DNAH1: variants seen among roughly 807,000 people sequenced by gnomAD.
DNAH1 encodes the protein axonemal beta dynein heavy chain 1.
A neutral mutation model predicts 484.3 loss-of-function variants in DNAH1; 327 were observed. The ratio of observed to expected loss-of-function variants is 0.68; its 90% CI spans 0.62 to 0.74. The LOEUF is 0.74. DNAH1 is among the 30% of genes least tolerant of loss of function. The pLI is 0.00. For missense variants in DNAH1, 5,052 were observed against 5,546.8 expected, an observed-to-expected ratio of 0.91 and a Z score of 2.83; for synonymous variants, 2,192 against 2,191.9, an observed-to-expected ratio of 1.00 and a Z score of 0.00.
Position 52,366,446 on chromosome 3 carries a change from A to G in DNAH1, c.5519-11A>G, listed in dbSNP as rs1044574378. The G allele has an allele frequency of 6.3e-6, 10 of 1,582,898 alleles. No homozygotes were observed. The highest frequency in any genetic ancestry group is 8.6e-6 in the Non-Finnish European group (10 of 1,165,148). On this transcript the variant is annotated splice_polypyrimidine_tract_variant and intron_variant, in intron 34 of 77. Transcript: ENST00000420323. Reference sequence around the variant, plus strand: ...TGCTCTGACCCTTGGGCCCCATGCCATGTCCCCCAGGCTTCCTGACAAAGT... The same window carrying G: ...TGCTCTGACCCTTGGGCCCCATGCCGTGTCCCCCAGGCTTCCTGACAAAGT...
rs780851318 is a variant in DNAH1, at chr3:52,393,000, G to T, written c.10449G>T (p.Ser3483=). ...AGTGGTTTCTCAACATCTTCCTCTC[G>T]GGCATCGCCAACTCAGAGAGAGCAG... The part of the protein sequence containing the change: ...SLEWFLNIFL[S]GIANSERADN... Residue 3483 remains serine, a synonymous_variant, in exon 65 of 78, where the codon TCG becomes TCT. Transcript: ENST00000420323. 2.3e-5 allele frequency: 37 copies of T among 1,613,318 alleles called. No homozygotes were observed. The highest frequency in any genetic ancestry group is 2.9e-5 in the Non-Finnish European group (34 of 1,179,710).
At chr3:52,314,549 C>A (rs1415950852), upstream of DNAH1, among the ~76,000 whole-genome samples, 1 of 152,220 alleles carries the variant, frequency 6.6e-6, no homozygotes, top group Admixed American at 6.5e-5. Flanking sequence ...TTCTATGGGT[C>A]TTTCCTGGAC....
Position 52,398,853 on chromosome 3 carries a change from C to T in DNAH1, c.12093C>T (p.Tyr4031=), listed in dbSNP as rs776568677. The T allele has an allele frequency of 1.9e-6, 3 of 1,539,100 alleles. No individual in the cohort carries two copies. Among genetic ancestry groups the T allele is most frequent in the East Asian group, 2.3e-5 (1 of 43,838 alleles). ...TCTCTTGCCACTGGCCTCACAGGTA[C>T]AATCGGCTGCTGCAGGTGATCACAC... ...NTVLVQEVIR[Y]NRLLQVITQT... Residue 4031 remains tyrosine (Y), a synonymous_variant, in exon 76 of 78, where the codon TAC becomes TAT. Transcript: ENST00000420323.
In DNAH1 at chr3:52,395,743, G is replaced by C; in HGVS notation, c.11259+65G>C. The C allele has an allele frequency of 6.4e-7, 1 of 1,556,684 alleles. No homozygotes were observed. Among genetic ancestry groups the C allele is most frequent in the South Asian group, 1.2e-5 (1 of 85,844 alleles). ...TCTGCATCCATCAGGGACTAATGAG[G>C]CAGAAATAAGAGAATCATGCCAAGC... On this transcript the variant is annotated intron_variant, in intron 70 of 77. Transcript: ENST00000420323. This position sits in a 1 kb window ranked among gnomAD's most constrained non-coding sequence, Gnocchi z 4.4.
At chr3:52,367,819 C>T (rs373717896) in intron 36 of DNAH1, among the ~76,000 whole-genome samples, 18 of 152,300 alleles carry the variant, frequency 1.2e-4, no homozygotes, top group South Asian at 1.0e-3. Flanking sequence ...GTGATCTGCC[C>T]GCCTTGGCCT....
At chr3:52,371,878 T>C in intron 41 of DNAH1, 68 bp from the exon 42 acceptor site, 1 of 1,580,554 alleles carries the variant, frequency 6.3e-7, no homozygotes, top group Non-Finnish European at 8.6e-7. Context: ...CACTTGGCCA[T>C]GGGGCCGCAG....
chr3:52,326,623 G>T (rs1488045126), intron 4 of DNAH1, 112 bp from the exon 5 acceptor site: 2 of 1,319,738 alleles, frequency 1.5e-6, no homozygotes, highest in East Asian at 2.4e-5. Context: ...GCTCCAGAGG[G>T]GTCTCTCGGC....
Position 52,372,996 on chromosome 3 carries a change from A to G in DNAH1, c.6928A>G (p.Ile2310Val). Reference sequence around the variant, plus strand: ...GGAGACCTACGGTGCACAGCCACCCATCGAGCTGTTGCGCCAGTGGATGGA... The same window carrying G: ...GGAGACCTACGGTGCACAGCCACCCGTCGAGCTGTTGCGCCAGTGGATGGA... ...ALETYGAQPP[I>V]ELLRQWMDHG... The change falls in exon 44 of 78, where the codon ATC (isoleucine) becomes GTC (valine). Residue 2310 changes from isoleucine to valine, a missense_variant. Around this residue, in one of 4 missense-constraint regions of DNAH1, gnomAD observed 2,929 missense variants for 3,409.4 expected, o/e 0.86. Transcript: ENST00000420323. The G allele has an allele frequency of 6.2e-7, 1 of 1,613,654 alleles. No homozygotes were observed. Among genetic ancestry groups the G allele is most frequent in the South Asian group, 1.1e-5 (1 of 91,074 alleles).
intron 56 of DNAH1, among the ~76,000 whole-genome samples, chr3:52,387,547 T>C (rs1704161284): frequency 6.6e-6 from 1 of 152,170 alleles, no homozygotes; most frequent in Non-Finnish European, 1.5e-5. Flanking sequence ...CCTTATGGGC[T>C]ACCCCATTCC....
In DNAH1 at chr3:52,364,850, G is replaced by C. The variant is rs368098175; in HGVS notation, c.5349G>C (p.Arg1783=). 1 of 1,613,792 alleles carries C rather than the reference G, an allele frequency of 6.2e-7. No individual in the cohort carries two copies. Residue 1783 remains arginine (R), a synonymous_variant, in exon 34 of 78, where the codon CGG becomes CGC. Coordinates refer to ENST00000420323, the MANE Select transcript of DNAH1 (RefSeq NM_015512.5). The surrounding 1 kb of genome is among the most constrained non-coding windows in gnomAD (Gnocchi z 4.2). Reference sequence around the variant, plus strand: ...TGCTGCAGGAGCTGATCTGCCTCCGGGCCATCCGTGATGTGAACGTGCCCA... The same window carrying C: ...TGCTGCAGGAGCTGATCTGCCTCCGCGCCATCCGTGATGTGAACGTGCCCA... The part of the protein sequence containing the change: ...PSMNEELICL[R]AIRDVNVPKF...
Position 52,371,939 on chromosome 3 carries a change from A to G in DNAH1, c.6526-7A>G. 3.7e-6 allele frequency: 6 copies of G among 1,613,048 alleles called. No individual in the cohort carries two copies. Among genetic ancestry groups the G allele is most frequent in the Non-Finnish European group, 5.1e-6 (6 of 1,179,550 alleles). On this transcript the variant is annotated splice_polypyrimidine_tract_variant and splice_region_variant and intron_variant, in intron 41 of 77. Transcript: ENST00000420323. ...CAGGCCCACTGCTGAGCCACCTATG[A>G]TTCCAGGTTGCCTGGGTGAAGTGGA...
intron 39 of DNAH1, 34 bp downstream of exon 39, chr3:52,370,263 G>A: frequency 6.2e-7 from 1 of 1,606,606 alleles, no homozygotes; most frequent in African/African-American, 1.3e-5. Context: ...GATGCACCTG[G>A]TCCCTCTCCC....
At position 52,391,622 on chromosome 3, in the gene DNAH1, G is replaced by A. The variant is rs1578199318; in HGVS notation, c.10052+19G>A. On this transcript the variant is annotated intron_variant, in intron 63 of 77. Coordinates refer to ENST00000420323, the MANE Select transcript of DNAH1 (RefSeq NM_015512.5). ...CGCCCAGGTGAGCCCCCACTCTTGG[G>A]GACGCCCAAGCATCAGCTCTGCCTC... 1 of 1,613,126 alleles carries A rather than the reference G, an allele frequency of 6.2e-7. No homozygotes were observed. Among genetic ancestry groups the A allele is most frequent in the South Asian group, 1.1e-5 (1 of 91,050 alleles).
Position 52,385,358 on chromosome 3 carries a change from G to A in DNAH1, c.8536G>A (p.Val2846Ile), listed in dbSNP as rs1704055737. 2 of 1,552,418 alleles carry A rather than the reference G, an allele frequency of 1.3e-6. No homozygotes were observed. Among genetic ancestry groups the A allele is most frequent in the African/African-American group, 1.4e-5 (1 of 73,086 alleles). ...CTAGCTGCTGCGCACTTCTGAGGAT[G>A]TAGCCAAGATGCAGGAGGACCTGGA... is the stretch of plus-strand genomic sequence containing the variant. ...LDKLLRTSED[V>I]AKMQEDLESM... Residue 2846 changes from valine to isoleucine, a missense_variant, in exon 54 of 78, where the codon GTA becomes ATA. Transcript: ENST00000420323.
Position 52,373,069 on chromosome 3 carries a change from C to G in DNAH1, c.6985+16C>G. ...AAGATCATTGGTGAGTGTGGCCGGC[C>G]TGGCTCACAGGGCAAGGGCTACGCG... On this transcript the variant is annotated intron_variant, in intron 44 of 77. Transcript: ENST00000420323. 3 of 1,602,290 alleles carry G rather than the reference C, an allele frequency of 1.9e-6. No individual in the cohort carries two copies. Among genetic ancestry groups the G allele is most frequent in the Non-Finnish European group, 2.6e-6 (3 of 1,174,294 alleles).
intron 43 of DNAH1, 90 bp downstream of exon 43, chr3:52,372,477 C>G: frequency 6.5e-7 from 1 of 1,536,564 alleles, no homozygotes; most frequent in Non-Finnish European, 8.8e-7. Context: ...AATTATGCTC[C>G]TGGGTTTGCC....
At position 52,396,862 on chromosome 3, in the gene DNAH1, C is replaced by A. The variant is rs750583965; in HGVS notation, c.11611-6C>A. On this transcript the variant is annotated splice_region_variant and splice_polypyrimidine_tract_variant and intron_variant, in intron 72 of 77. Transcript: ENST00000420323. ...TTAGGGGAGCCCTCACCCACCCACC[C>A]CATAGGTCCTCAAGTACACGGCAGG... 44 of 1,613,004 alleles carry A rather than the reference C, an allele frequency of 2.7e-5. 1 individual carries two copies. The South Asian group carries it at 4.1e-4, about 15-fold the overall frequency.
rs183262663 is a variant in DNAH1 at position 52,390,973 on chromosome 3, C to T, written c.9660C>T (p.Asn3220=). 52 of 1,552,630 alleles carry T rather than the reference C, an allele frequency of 3.3e-5. No individual in the cohort carries two copies. In the Admixed American group the frequency reaches 6.1e-4, roughly 18 times the overall value. The part of the protein sequence containing the change: ...GLPNDTLSVE[N]GVINQFSQRW... ...CCAACGACACACTGTCAGTGGAGAA[C>T]GGGGTCATCAACCAGTTTTCCCAGC... is the stretch of plus-strand genomic sequence containing the variant. Residue 3220 remains asparagine, a synonymous_variant, in exon 61 of 78, where the codon AAC becomes AAT. Transcript: ENST00000420323.
At chr3:52,349,569 C>G in intron 14 of DNAH1, 149 bp downstream of exon 14, 1 of 784,742 alleles carries the variant, frequency 1.3e-6, no homozygotes, top group Non-Finnish European at 2.1e-6. Context: ...GGAAATCACC[C>G]TGCCCCATCC....
Sources: gnomAD v4.1 joint callset for allele counts (sites outside exome capture counted in the v4.1 genomes callset) on GRCh38, gnomAD v4.1.1 for gene constraint, gnomAD v4.1.1 regional missense constraint, Gnocchi (gnomAD v3.1) non-coding constraint, MANE v1.5 for transcripts, NCBI Gene and HGNC (gene_info 2026-07-23, HGNC 2026-07-21) for gene names.